Variants in TTN observed in about 807,000 individuals in gnomAD.
The protein encoded by TTN is connectin.
TTN carries 1,525 observed loss-of-function variants against 3,223.0 expected under a neutral mutation model. The ratio of observed to expected loss-of-function variants is 0.47; its 90% CI spans 0.45 to 0.49. TTN has a LOEUF of 0.49. TTN is among the 20% of genes least tolerant of loss of function. The pLI is 0.00. For synonymous variants in TTN, 14,094 were observed against 15,161.0 expected (o/e 0.93, Z 5.17); for missense variants, 40,786 against 43,424.0 (o/e 0.94, Z 5.40).
chr2:178,758,043 GTCCTTGT>G (rs2087839161), intron 44 of TTN, 127 bp from the exon 45 acceptor site: 1 of 972,648 alleles, frequency 1.0e-6, no homozygotes, highest in Non-Finnish European at 1.5e-6. Flanking sequence ...CTACTGCCTT[GTCCTTGT>G]ATGTCACTAT....
In TTN at chr2:178,728,105, C is replaced by G; in HGVS notation, c.19714+5G>C. 4 of 1,547,498 alleles carry G rather than the reference C, an allele frequency of 2.6e-6. No homozygotes were observed. The highest frequency in any genetic ancestry group is 3.5e-6 in the Non-Finnish European group (4 of 1,149,218). ...AGAATCAAGAAGAGGTAAAGAAATT[C>G]TAACCTTTCACAGTTAAGATGCCAC... On this transcript the variant is annotated splice_donor_5th_base_variant and intron_variant, in intron 67 of 362. Coordinates refer to ENST00000589042, the MANE Select transcript of TTN (RefSeq NM_001267550.2).
chr2:178,704,350 G>T lies in TTN; in HGVS notation c.30020C>A (p.Thr10007Asn), dbSNP rs1168557032. 2 of 1,613,988 alleles carry T rather than the reference G, an allele frequency of 1.2e-6. No homozygotes were observed. ...TGGTACAGAAAATTGGCATGTCATG[G>T]TGCAAGTCTGGCCTTCTTTCAGAGT... ...DVTLKEGQTCTMTCQFSVPNV... is the reference protein window; with the variant it reads ...DVTLKEGQTCNMTCQFSVPNV... The change falls in exon 106 of 363, where the codon ACC becomes AAC. Residue 10007 changes from threonine to asparagine, a missense_variant. Thr to Asn is a moderately conservative substitution (Grantham distance 65). Coordinates refer to ENST00000589042, the MANE Select transcript of TTN (RefSeq NM_001267550.2).
Position 178,553,556 on chromosome 2 carries a change from CA to C in TTN, c.89448del (p.Gly29817AspfsTer6). The C allele has an allele frequency of 6.2e-7, 1 of 1,613,804 alleles. No homozygotes were observed. The highest frequency in any genetic ancestry group is 8.5e-7 in the Non-Finnish European group (1 of 1,179,762). ...TTCATTTCTATAGGTTCTCCTTGTC[CA>C]GCACAGTTTACAGCAGATACCCGGA... The part of the protein sequence containing the change: ...YYFRVSAVNC[A>X]GQGEPIEMNE... On this transcript the variant is annotated frameshift_variant, in exon 334 of 363. Transcript: ENST00000589042. LOFTEE classifies it high-confidence loss of function.
Position 178,575,602 on chromosome 2 carries a change from C to T in TTN, c.70530G>A (p.Met23510Ile), listed in dbSNP as rs727503569. Residue 23510 changes from methionine (M) to isoleucine (I), a missense_variant, in exon 326 of 363, where the codon ATG (methionine) becomes ATA (isoleucine). Physicochemically the swap from Met to Ile is conservative, Grantham distance 10 (BLOSUM62 1). Coordinates refer to ENST00000589042, the MANE Select transcript of TTN (RefSeq NM_001267550.2). The surrounding 1 kb of genome is among the most constrained non-coding windows in gnomAD (Gnocchi z 4.0). ...SEGCEYFFRVMAENEYGIGEP... is the reference protein window; with the variant it reads ...SEGCEYFFRVIAENEYGIGEP... ...CACCAATTCCATATTCATTCTCTGC[C>T]ATCACTCTGAAGAAATATTCACACC... is the stretch of plus-strand genomic sequence containing the variant. 6 of 1,613,506 alleles carry T rather than the reference C, an allele frequency of 3.7e-6. No individual in the cohort carries two copies. Among genetic ancestry groups the T allele is most frequent in the Non-Finnish European group, 5.1e-6 (6 of 1,179,652 alleles).
At position 178,545,526 on chromosome 2, in the gene TTN, CAT is replaced by C; in HGVS notation, c.95582_95583del (p.Tyr31861CysfsTer4). ...ACCTTCAGCCTGGTATCATACACCACATAGTCTTTGTTGACACGTGTCCAGCG... is the reference window on the plus strand; with the variant it reads ...ACCTTCAGCCTGGTATCATACACCACAGTCTTTGTTGACACGTGTCCAGCG... The part of the protein sequence containing the change: ...SLRWTRVNKD[Y>X]VVYDTRLKVT... On this transcript the variant is annotated frameshift_variant, in exon 344 of 363. Transcript: ENST00000589042. LOFTEE classifies it high-confidence loss of function. 6.2e-7 allele frequency: 1 copy of C among 1,613,708 alleles called. No individual in the cohort carries two copies. The highest frequency in any genetic ancestry group is 8.5e-7 in the Non-Finnish European group (1 of 1,179,686).
intron 242 of TTN, 136 bp downstream of exon 242, chr2:178,624,329 A>T (rs2058717957): frequency 2.0e-6 from 2 of 1,001,262 alleles, no homozygotes; most frequent in Non-Finnish European, 3.1e-6. Flanking sequence ...GGATCAGGTT[A>T]GGTCAGTGTC....
chr2:178,764,096 T>C (rs898305615), intron 43 of TTN, 81 bp downstream of exon 43: 1 of 1,594,542 alleles, frequency 6.3e-7, no homozygotes, highest in Non-Finnish European at 8.6e-7. Context: ...ATGTTTGTGA[T>C]GGAGGAGAAG....
intron 142 of TTN, 75 bp downstream of exon 142, chr2:178,679,264 T>C: frequency 6.7e-7 from 1 of 1,481,984 alleles, no homozygotes; most frequent in Non-Finnish European, 9.4e-7. Flanking sequence ...TGGGGAAAGA[T>C]CTGCTATGGC....
In TTN at chr2:178,580,109, T is replaced by C; in HGVS notation, c.67178A>G (p.Lys22393Arg). 6.2e-7 allele frequency: 1 copy of C among 1,613,392 alleles called. No individual in the cohort carries two copies. Among genetic ancestry groups the C allele is most frequent in the East Asian group, 2.2e-5 (1 of 44,806 alleles). Reference protein sequence around the residue: ...GSPIINYVVQKRDAERKSWST... With the variant: ...GSPIINYVVQRRDAERKSWST... ...CCAGGATTTCCTCTCTGCATCACGTTTTTGTACCACATAGTTTATGATGGG... is the reference window on the plus strand; with the variant it reads ...CCAGGATTTCCTCTCTGCATCACGTCTTTGTACCACATAGTTTATGATGGG... Residue 22393 changes from lysine to arginine, a missense_variant, in exon 318 of 363, where the codon AAA (lysine) becomes AGA (arginine). Lys to Arg is a conservative substitution (Grantham distance 26). Coordinates refer to ENST00000589042, the MANE Select transcript of TTN (RefSeq NM_001267550.2).
rs780845171 is a variant in TTN, at chr2:178,611,418, G to C, written c.50811C>G (p.Ser16937Arg). 5.6e-6 allele frequency: 9 copies of C among 1,612,788 alleles called. No individual in the cohort carries two copies. In the South Asian group the frequency reaches 8.8e-5, roughly 16 times the overall value. The change falls in exon 269 of 363, where the codon AGC (serine) becomes AGG (arginine). Residue 16937 changes from serine (S) to arginine (R), a missense_variant. By Grantham distance (110) the Ser-to-Arg change is moderately radical. Coordinates refer to ENST00000589042, the MANE Select transcript of TTN (RefSeq NM_001267550.2). ...CATTTTCAGAGATTTCAGATGGCTC[G>C]CTGACACCAATAGCATTGACTGCTC... ...RVRAVNAIGV[S>R]EPSEISENVV...
Position 178,593,561 on chromosome 2 carries a change from T to G in TTN, c.58732+7A>C, listed in dbSNP as rs1559614110. On this transcript the variant is annotated splice_region_variant and intron_variant, in intron 298 of 362. Coordinates refer to ENST00000589042, the MANE Select transcript of TTN (RefSeq NM_001267550.2). The stretch of plus-strand genomic sequence containing the variant: ...ATTGAATCACTAAAAAGAAACATAA[T>G]GCATACTGAAACGATCTTTGGCTTT... 1.2e-6 allele frequency: 2 copies of G among 1,609,872 alleles called. No individual in the cohort carries two copies. Among genetic ancestry groups the G allele is most frequent in the Non-Finnish European group, 1.7e-6 (2 of 1,178,774 alleles).
rs2154129398 is a variant in TTN, at chr2:178,526,457, C to T, written c.*555G>A. ...TCATGATAATTTTGTGTGACATCAT[C>T]AGAGAAAATGTAAGACGTTAAAGTG... On this transcript the variant is annotated 3_prime_UTR_variant, in exon 363 of 363. Coordinates refer to ENST00000589042, the MANE Select transcript of TTN (RefSeq NM_001267550.2). 6.5e-6 allele frequency: 1 copy of T among 152,744 alleles called. No individual in the cohort carries two copies. The highest frequency in any genetic ancestry group is 2.4e-5 in the African/African-American group (1 of 41,574). 9.5% of individuals were successfully genotyped at this position (152,744 alleles called of 1,614,324 possible). A position where few individuals can be genotyped will look rare whatever the true frequency, so the allele number is the denominator to read the frequency against.
rs935073480 is a variant in TTN at position 178,694,769 on chromosome 2, G to A, written c.31348+60C>T. The A allele has an allele frequency of 2.0e-6, 3 of 1,487,566 alleles. No homozygotes were observed. In the African/African-American group the frequency reaches 4.2e-5, roughly 21 times the overall value. The allele number at this position is 1,487,566 out of a possible 1,614,324, so 92.1% of individuals were successfully genotyped here. ...TTGATTATATAAATAACTAATGTGA[G>A]TATAGATCAGTAAACATATTACTTG... is the stretch of plus-strand genomic sequence containing the variant. On this transcript the variant is annotated intron_variant, in intron 116 of 362. Transcript: ENST00000589042.
At chr2:178,677,104 C>T (rs1447238749) in intron 147 of TTN, 97 bp downstream of exon 147, 8 of 693,094 alleles carry the variant, frequency 1.2e-5, no homozygotes, top group Non-Finnish European at 1.3e-5. Context: ...TGTGATTATC[C>T]ATTTTGTAAA....
rs886042542 is a variant in TTN, at chr2:178,539,849, G to A, written c.98216C>T (p.Thr32739Ile). Residue 32739 changes from threonine to isoleucine, a missense_variant, in exon 352 of 363, where the codon ACC becomes ATC. Coordinates refer to ENST00000589042, the MANE Select transcript of TTN (RefSeq NM_001267550.2). ...KGKPFPICKW[T>I]KEGQDISKRA... ...CTTACTAATATCCTGGCCTTCCTTG[G>A]TCCATTTACATATTGGGAATGGTTT... 2 of 1,613,638 alleles carry A rather than the reference G, an allele frequency of 1.2e-6. No homozygotes were observed. The highest frequency in any genetic ancestry group is 1.7e-6 in the Non-Finnish European group (2 of 1,179,778).
Position 178,664,738 on chromosome 2 carries a change from C to CT in TTN, c.36119-2dup. 1 of 1,612,226 alleles carries CT rather than the reference C, an allele frequency of 6.2e-7. No individual in the cohort carries two copies. The highest frequency in any genetic ancestry group is 1.3e-5 in the African/African-American group (1 of 75,000). ...ACAATTTCTTGGAGAGCTTCAGGCA[C>CT]TTTAAGAAATTAGTAGTTTTATGTT... is the stretch of plus-strand genomic sequence containing the variant. On this transcript the variant is annotated splice_acceptor_variant, in intron 166 of 362. Transcript: ENST00000589042. LOFTEE classifies it high-confidence loss of function.
At position 178,560,217 on chromosome 2, in the gene TTN, T is replaced by G; in HGVS notation, c.85915A>C (p.Thr28639Pro). 1 of 1,613,142 alleles carries G rather than the reference T, an allele frequency of 6.2e-7. No homozygotes were observed. Among genetic ancestry groups the G allele is most frequent in the Non-Finnish European group, 8.5e-7 (1 of 1,179,632 alleles). The change falls in exon 326 of 363, where the codon ACC becomes CCC. Residue 28639 changes from threonine (T) to proline (P), a missense_variant. Thr to Pro is a conservative substitution (Grantham distance 38). Transcript: ENST00000589042. ...NAAGLSLPSE[T>P]SPLIRAEDPV... ...TCTTCTGCCCTAATTAAGGGAGAGG[T>G]TTCACTTGGAAGACTTAGGCCAGCA...
chr2:178,691,506 G>GT (rs2072429095), intron 121 of TTN, among the ~76,000 whole-genome samples: 1 of 152,126 alleles, frequency 6.6e-6, no homozygotes, highest in African/African-American at 2.4e-5. Context: ...CAAAAAATCT[G>GT]TATGTTCCCC....
At chr2:178,794,649 ACACT>A in intron 7 of TTN, 98 bp from the exon 8 acceptor site, 1 of 1,399,202 alleles carries the variant, frequency 7.1e-7, no homozygotes, top group Non-Finnish European at 1.0e-6. Context: ...AGAGCAAAAT[ACACT>A]CATACATAAG....
Sources: allele counts gnomAD v4.1 joint callset (sites outside exome capture counted in the v4.1 genomes callset), GRCh38; gene constraint gnomAD v4.1.1; non-coding constraint Gnocchi (gnomAD v3.1); transcripts MANE v1.5; gene names NCBI Gene and HGNC (gene_info 2026-07-23, HGNC 2026-07-21).